Variants in CCDC148 observed in about 807,000 individuals in gnomAD.
The protein encoded by CCDC148 is coiled-coil domain containing 148.
Under a neutral mutation model 85.7 loss-of-function variants are expected in CCDC148, and 89 were observed. The observed-to-expected ratio is 1.04, with a 90% CI of 0.87 to 1.24. The LOEUF (loss-of-function observed/expected upper bound fraction) is 1.24, where lower values mean the gene tolerates loss of function less well. CCDC148 is among the 50% of genes most tolerant of loss of function. The pLI, the probability that CCDC148 is intolerant of heterozygous loss-of-function variation, is 0.00. For missense variants in CCDC148, 692 were observed against 671.7 expected, an observed-to-expected ratio of 1.03 and a Z score of -0.33; for synonymous variants, 230 against 213.9, an observed-to-expected ratio of 1.08 and a Z score of -0.66.
intron 11 of CCDC148, among the ~76,000 whole-genome samples, chr2:158,195,400 C>T (rs960719544): frequency 3.3e-5 from 5 of 152,140 alleles, no homozygotes; most frequent in Admixed American, 6.6e-5. Context: ...ATGCTTCAGT[C>T]ATATACTTGG....
intron 9 of CCDC148, among the ~76,000 whole-genome samples, chr2:158,277,220 G>C (rs1202006422): frequency 6.6e-6 from 1 of 151,756 alleles, no homozygotes; most frequent in East Asian, 1.9e-4. Context: ...TCGAGGGGAT[G>C]ATAACATTTG....
intron 10 of CCDC148, among the ~76,000 whole-genome samples, chr2:158,226,132 T>G (rs368483573): frequency 5.9e-5 from 9 of 152,148 alleles, no homozygotes; most frequent in East Asian, 5.8e-4. Context: ...TATCACCACC[T>G]ATCCCACAGA....
intron 9 of CCDC148, among the ~76,000 whole-genome samples, chr2:158,305,934 A>G (rs1331761960): frequency 6.6e-6 from 1 of 152,198 alleles, no homozygotes; most frequent in African/African-American, 2.4e-5. Flanking sequence ...GCAATAAAAA[A>G]GAACAAACTA....
At chr2:158,358,828 C>A (rs1320780097) in intron 1 of CCDC148, among the ~76,000 whole-genome samples, 1 of 151,874 alleles carries the variant, frequency 6.6e-6, no homozygotes, top group African/African-American at 2.4e-5. Context: ...TAAGTTAGTA[C>A]CATATATTGA....
intron 1 of CCDC148, among the ~76,000 whole-genome samples, chr2:158,406,641 G>GTTTTTGTTTTTTTTTTTC (rs1466275410): frequency 8.2e-5 from 1 of 12,192 alleles, no homozygotes; most frequent in African/African-American, 3.1e-4. Context: ...TTTTTTTTTT[G>GTTTTTGTTTTTTTTTTTC]AGACAGTGTC....
chr2:158,335,145 C>T (rs1386007841), intron 7 of CCDC148, among the ~76,000 whole-genome samples: 1 of 152,144 alleles, frequency 6.6e-6, no homozygotes, highest in Non-Finnish European at 1.5e-5. Context: ...ACTCCTGAGG[C>T]CCTGCCCTGT....
chr2:158,452,006 T>C (rs1276429187), intron 1 of CCDC148, among the ~76,000 whole-genome samples: 1 of 152,212 alleles, frequency 6.6e-6, no homozygotes, highest in African/African-American at 2.4e-5. Context: ...TATTTAAGTA[T>C]GACCTTATGA....
chr2:158,432,901 G>A (rs1687420621), intron 1 of CCDC148, among the ~76,000 whole-genome samples: 1 of 150,962 alleles, frequency 6.6e-6, no homozygotes, highest in Non-Finnish European at 1.5e-5. Flanking sequence ...TGGTGAACAT[G>A]TGTATGATGT....
chr2:158,374,288 G>A (rs576910586), intron 1 of CCDC148, among the ~76,000 whole-genome samples: 18 of 152,070 alleles, frequency 1.2e-4, no homozygotes, highest in Admixed American at 6.6e-4. Flanking sequence ...CACAACCCCC[G>A]CATGGAGAAA....
At chr2:158,375,460 A>G (rs1349552095) in intron 1 of CCDC148, among the ~76,000 whole-genome samples, 4 of 152,144 alleles carry the variant, frequency 2.6e-5, no homozygotes, top group Non-Finnish European at 2.9e-5. Flanking sequence ...CATGAAAGCG[A>G]AGGCCACAAG....
chr2:158,185,583 A>T (rs558064320), intron 11 of CCDC148, among the ~76,000 whole-genome samples: 1 of 152,208 alleles, frequency 6.6e-6, no homozygotes, highest in East Asian at 1.9e-4. Flanking sequence ...GAAGTGAGAG[A>T]TACAAACAAG....
At chr2:158,323,946 T>G (rs1692640061) in intron 7 of CCDC148, among the ~76,000 whole-genome samples, 2 of 129,858 alleles carry the variant, frequency 1.5e-5, no homozygotes, top group African/African-American at 6.9e-5. Context: ...TTTTTTTTTT[T>G]GAGATAGGGT....
At chr2:158,291,112 C>T (rs62182657) in intron 9 of CCDC148, among the ~76,000 whole-genome samples, 8,874 of 152,028 alleles carry the variant, frequency 0.058, 354 homozygotes, top group Non-Finnish European at 0.081. Flanking sequence ...GACTGATCCT[C>T]TTTTATATAT....
chr2:158,391,869 A>T (rs1427269054), intron 1 of CCDC148, among the ~76,000 whole-genome samples: 3 of 152,120 alleles, frequency 2.0e-5, no homozygotes, highest in Non-Finnish European at 4.4e-5. Flanking sequence ...GTTCCTTGGT[A>T]ACAGGGGCAC....
chr2:158,403,274 G>C (rs1025957519), intron 1 of CCDC148, among the ~76,000 whole-genome samples: 5 of 151,752 alleles, frequency 3.3e-5, no homozygotes, highest in Non-Finnish European at 7.4e-5. Context: ...ATTCACAGTA[G>C]ATGTTGATAT....
chr2:158,301,114 C>A (rs375376358), intron 9 of CCDC148, among the ~76,000 whole-genome samples: 39 of 152,120 alleles, frequency 2.6e-4, no homozygotes, highest in African/African-American at 9.4e-4. Flanking sequence ...CCACCTTAAC[C>A]TTCCAAAGCA....
intron 7 of CCDC148, among the ~76,000 whole-genome samples, chr2:158,335,501 C>T (rs1439896012): frequency 1.3e-5 from 2 of 152,094 alleles, no homozygotes; most frequent in African/African-American, 4.8e-5. Flanking sequence ...CTCACAGTTC[C>T]ACATGGCTGG....
intron 7 of CCDC148, among the ~76,000 whole-genome samples, chr2:158,332,375 A>C (rs1693178525): frequency 6.7e-6 from 1 of 149,966 alleles, no homozygotes. Context: ...CCGAGAGATC[A>C]GCTGTTATTC....
intron 1 of CCDC148, among the ~76,000 whole-genome samples, chr2:158,417,904 T>C (rs1377390484): frequency 5.3e-5 from 8 of 152,222 alleles, no homozygotes; most frequent in African/African-American, 1.7e-4. Context: ...AAAAGATGGA[T>C]ACTAAGCCAA....
Sources: gnomAD v4.1 joint callset for allele counts (sites outside exome capture counted in the v4.1 genomes callset) on GRCh38, gnomAD v4.1.1 for gene constraint, MANE v1.5 for transcripts, NCBI Gene and HGNC (gene_info 2026-07-23, HGNC 2026-07-21) for gene names.